Variants in CSMD3 observed in about 807,000 individuals in gnomAD.
CSMD3 encodes the protein CUB and Sushi multiple domains 3, also known as CUB and sushi domain-containing protein 3.
Under a neutral mutation model 435.2 loss-of-function variants are expected in CSMD3, and 177 were observed. The observed-to-expected ratio is 0.41, with a 90% confidence interval of 0.36 to 0.46. The LOEUF is 0.46. CSMD3 is among the 20% of genes least tolerant of loss of function. The pLI, the probability that CSMD3 is intolerant of heterozygous loss-of-function variation, is 0.34. For synonymous variants in CSMD3, 1,656 were observed against 1,520.5 expected, an observed-to-expected ratio of 1.09 and a Z score of -2.07; for missense variants, 4,265 against 4,504.6, an observed-to-expected ratio of 0.95 and a Z score of 1.52.
At chr8:112,867,818 C>T (rs2081027123) in intron 10 of CSMD3, among the ~76,000 whole-genome samples, 1 of 151,886 alleles carries the variant, frequency 6.6e-6, no homozygotes, top group Non-Finnish European at 1.5e-5. Context: ...ATGTGAAGGC[C>T]CAAGGTGTTA....
At chr8:113,344,436 A>G (rs1354149477) in intron 1 of CSMD3, among the ~76,000 whole-genome samples, 1 of 152,170 alleles carries the variant, frequency 6.6e-6, no homozygotes, top group Non-Finnish European at 1.5e-5. Flanking sequence ...AAGCAGTTGT[A>G]TGGAGCTTGA....
intron 8 of CSMD3, among the ~76,000 whole-genome samples, chr8:112,951,212 A>G (rs768298120): frequency 6.6e-6 from 1 of 151,922 alleles, no homozygotes; most frequent in Non-Finnish European, 1.5e-5. Flanking sequence ...GTATTCATTC[A>G]GTCATCTGCT....
intron 22 of CSMD3, among the ~76,000 whole-genome samples, chr8:112,604,879 C>A (rs1053321179): frequency 6.6e-6 from 1 of 152,064 alleles, no homozygotes; most frequent in East Asian, 1.9e-4. Context: ...TATTCACAAA[C>A]CATGAATCTG....
chr8:113,411,027 G>T (rs953362904), intron 1 of CSMD3, among the ~76,000 whole-genome samples: 1 of 151,186 alleles, frequency 6.6e-6, no homozygotes, highest in Non-Finnish European at 1.5e-5. Flanking sequence ...AATAAAGAAA[G>T]AAAAAGAGAA....
intron 55 of CSMD3, 142 bp from the exon 56 acceptor site, chr8:112,291,837 G>A: frequency 3.2e-6 from 2 of 623,334 alleles, no homozygotes; most frequent in South Asian, 2.2e-5. Context: ...TTAATCCCAT[G>A]GATTATCTAG....
At chr8:113,403,419 G>C (rs2094518951) in intron 1 of CSMD3, among the ~76,000 whole-genome samples, 2 of 151,314 alleles carry the variant, frequency 1.3e-5, no homozygotes, top group African/African-American at 4.8e-5. Context: ...TCTAGTCTAA[G>C]AAATATATTT....
chr8:113,215,461 C>G (rs913286166), intron 3 of CSMD3, among the ~76,000 whole-genome samples: 8 of 151,872 alleles, frequency 5.3e-5, no homozygotes, highest in Admixed American at 6.6e-5. Flanking sequence ...AATTGCTAAT[C>G]AAACTGGAAG....
chr8:112,378,038 A>C (rs1014662882), intron 38 of CSMD3, among the ~76,000 whole-genome samples: 2 of 152,124 alleles, frequency 1.3e-5, no homozygotes, highest in Non-Finnish European at 2.9e-5. Context: ...CATCCAAGTG[A>C]AAAAGGAAGA....
intron 24 of CSMD3, among the ~76,000 whole-genome samples, chr8:112,571,272 G>T (rs1004957602): frequency 6.6e-6 from 1 of 152,150 alleles, no homozygotes; most frequent in East Asian, 1.9e-4. Flanking sequence ...CTCCCAAAGT[G>T]CTGGGATTAC....
intron 4 of CSMD3, among the ~76,000 whole-genome samples, chr8:113,160,232 TATA>T (rs1342870582): frequency 2.6e-5 from 4 of 151,942 alleles, no homozygotes; most frequent in African/African-American, 9.7e-5. Context: ...TAATTCATAT[TATA>T]ATAACAAAAG....
rs1029562476 is a variant in CSMD3 at position 112,421,649 on chromosome 8, T to C, written c.5396-12617A>G. ...GTACACATATATGTAATAATATATG[T>C]ATATATGTAATATGTTATATATATT... On this transcript the variant is annotated intron_variant, in intron 32 of 70. Transcript: ENST00000297405. 6.1e-5 allele frequency among the ~76,000 whole-genome samples: 9 copies of C among 147,612 alleles called. No homozygotes were observed. The South Asian group carries it at 8.4e-4, about 14-fold the overall frequency.
chr8:112,725,844 G>A (rs1480907505), intron 13 of CSMD3, among the ~76,000 whole-genome samples: 1 of 151,920 alleles, frequency 6.6e-6, no homozygotes, highest in African/African-American at 2.4e-5. Context: ...ATGAAACATA[G>A]ACATGAGAGG....
intron 9 of CSMD3, among the ~76,000 whole-genome samples, chr8:112,945,563 A>C (rs1336724863): frequency 6.7e-6 from 1 of 149,058 alleles, no homozygotes; most frequent in Non-Finnish European, 1.5e-5. Context: ...TTAAGTTGCC[A>C]AATATAATAA....
At chr8:113,418,203 A>G (rs1042245268) in intron 1 of CSMD3, among the ~76,000 whole-genome samples, 2 of 152,190 alleles carry the variant, frequency 1.3e-5, no homozygotes, top group Non-Finnish European at 2.9e-5. Flanking sequence ...GTCAAGAATT[A>G]TAATTCATAT....
intron 53 of CSMD3, among the ~76,000 whole-genome samples, chr8:112,300,771 G>A (rs1820846451): frequency 6.6e-6 from 1 of 152,034 alleles, no homozygotes; most frequent in Non-Finnish European, 1.5e-5. Context: ...CTGAGAAGGA[G>A]AAAAAAGACA....
intron 10 of CSMD3, among the ~76,000 whole-genome samples, chr8:112,871,166 C>T (rs936734021): frequency 6.6e-6 from 1 of 152,156 alleles, no homozygotes; most frequent in Non-Finnish European, 1.5e-5. Context: ...TAAGGAAAAG[C>T]ATCCCCAAGT....
At chr8:112,642,465 G>C (rs1258751228) in intron 20 of CSMD3, among the ~76,000 whole-genome samples, 1 of 152,110 alleles carries the variant, frequency 6.6e-6, no homozygotes, top group Admixed American at 6.6e-5. Context: ...TTGACTTAAT[G>C]TTTAATGGTG....
rs375246314 is a variant in CSMD3 at position 112,638,610 on chromosome 8, T to C, written c.3526+86A>G. 4 of 808,356 alleles carry C rather than the reference T, an allele frequency of 4.9e-6. No individual in the cohort carries two copies. The East Asian group carries it at 1.0e-4, about 21-fold the overall frequency. The allele number at this position is 808,356 out of a possible 1,614,324, so 50.1% of individuals were successfully genotyped here. A position where few individuals can be genotyped will look rare whatever the true frequency, so the allele number is the denominator to read the frequency against. On this transcript the variant is annotated intron_variant, in intron 21 of 70. Coordinates refer to ENST00000297405, the MANE Select transcript of CSMD3 (RefSeq NM_198123.2). ...TTTCTTCTCTCCAGCTATTTTTCAC[T>C]GTTTTATCATCAGTTATGCTCATAT...
intron 40 of CSMD3, among the ~76,000 whole-genome samples, chr8:112,349,345 A>T (rs1441317660): frequency 6.6e-6 from 1 of 152,068 alleles, no homozygotes; most frequent in African/African-American, 2.4e-5. Flanking sequence ...ACACGTTAAC[A>T]TCAAAAAGAA....
Sources: allele counts gnomAD v4.1 joint callset (sites outside exome capture counted in the v4.1 genomes callset), GRCh38; gene constraint gnomAD v4.1.1; transcripts MANE v1.5; gene names NCBI Gene and HGNC (gene_info 2026-07-23, HGNC 2026-07-21).